Variants in ALPK2 observed in about 807,000 individuals in gnomAD.
ALPK2 encodes alpha kinase 2.
A neutral mutation model predicts 163.1 loss-of-function variants in ALPK2; 127 were observed. The observed-to-expected ratio is 0.78, with a 90% confidence interval of 0.67 to 0.90. ALPK2 has a LOEUF of 0.90. Ranked by LOEUF, ALPK2 falls within the 40% of genes least tolerant of loss-of-function variation. The pLI is 0.00. For missense variants in ALPK2, 2,360 were observed against 2,589.6 expected (o/e 0.91, Z 1.92); for synonymous variants, 953 against 959.1 (o/e 0.99, Z 0.12).
At chr18:58,627,516 T>G (rs931194893) in intron 1 of ALPK2, among the ~76,000 whole-genome samples, 2 of 152,090 alleles carry the variant, frequency 1.3e-5, no homozygotes, top group Non-Finnish European at 2.9e-5. Context: ...GCCACCTACT[T>G]TGGGAGGCTG....
chr18:58,543,559 G>C (rs766341136), intron 4 of ALPK2, among the ~76,000 whole-genome samples: 1 of 152,178 alleles, frequency 6.6e-6, no homozygotes, highest in Non-Finnish European at 1.5e-5. Flanking sequence ...CCATGGCTGA[G>C]GCAGGATGAC....
Position 58,514,999 on chromosome 18 carries a change from A to C in ALPK2, c.6023T>G (p.Val2008Gly), listed in dbSNP as rs1223433068. ...GCAGGGTAAACACACTTACTCAGGT[A>C]CTTCTCCAAAGCCTTCCAGAGGCTG... ...EAQPLEGFGE[V>G]PEIIPIFLIH... Residue 2008 changes from valine to glycine, a missense_variant, in exon 10 of 13, where the codon GTA (valine) becomes GGA (glycine). Val to Gly is a moderately radical substitution (Grantham distance 109). Transcript: ENST00000361673. 6.2e-7 allele frequency: 1 copy of C among 1,611,852 alleles called. No individual in the cohort carries two copies. The highest frequency in any genetic ancestry group is 1.1e-5 in the South Asian group (1 of 90,866).
At chr18:58,606,600 T>A (rs901650966) in intron 3 of ALPK2, among the ~76,000 whole-genome samples, 2 of 152,130 alleles carry the variant, frequency 1.3e-5, no homozygotes, top group African/African-American at 4.8e-5. Context: ...TTTTTTTAAA[T>A]CTCAGACTCA....
chr18:58,549,966 C>T (rs150979420), intron 4 of ALPK2, among the ~76,000 whole-genome samples: 1 of 152,062 alleles, frequency 6.6e-6, no homozygotes, highest in Non-Finnish European at 1.5e-5. Flanking sequence ...CTACGTGCCC[C>T]TCTCACCCTG....
chr18:58,534,810 T>C (rs778858655), intron 5 of ALPK2, 24 bp downstream of exon 5: 2 of 1,578,740 alleles, frequency 1.3e-6, no homozygotes, highest in East Asian at 2.2e-5. Flanking sequence ...ACTTTAACAA[T>C]GATGGACAGC....
intron 9 of ALPK2, among the ~76,000 whole-genome samples, chr18:58,515,885 C>T (rs1426484609): frequency 6.6e-6 from 1 of 152,150 alleles, no homozygotes; most frequent in East Asian, 1.9e-4. Flanking sequence ...AAAGACCCAA[C>T]TTTCTTGACA....
At chr18:58,527,270 T>G (rs1397402466) in intron 6 of ALPK2, among the ~76,000 whole-genome samples, 3 of 152,344 alleles carry the variant, frequency 2.0e-5, no homozygotes, top group South Asian at 4.1e-4. Context: ...TGAGAGAAAT[T>G]AGCAAACATT....
At chr18:58,516,850 G>C in intron 9 of ALPK2, 58 bp downstream of exon 9, 3 of 1,563,486 alleles carry the variant, frequency 1.9e-6, no homozygotes, top group Non-Finnish European at 2.6e-6. Flanking sequence ...TTTTCATCTC[G>C]TCTTATCATG....
At chr18:58,543,277 CT>C in intron 4 of ALPK2, 1 of 842,778 alleles carries the variant, frequency 1.2e-6, no homozygotes, top group Non-Finnish European at 1.4e-6. Context: ...AAATACATTT[CT>C]TTTCTTTATA....
chr18:58,508,004 C>T (rs765833542), intron 10 of ALPK2, among the ~76,000 whole-genome samples: 66 of 152,082 alleles, frequency 4.3e-4, no homozygotes, highest in Admixed American at 2.6e-4. Context: ...TAGTGTAAAT[C>T]CTAAGACTAG....
rs10689097 is a variant in ALPK2, at chr18:58,564,123, C to CTTTTTTTTTTTTTTTTTTTTT, written c.1962+14690_1962+14691insAAAAAAAAAAAAAAAAAAAAA. On this transcript the variant is annotated intron_variant, in intron 4 of 12. Coordinates refer to ENST00000361673, the MANE Select transcript of ALPK2 (RefSeq NM_052947.4). ...GAATTGCGTATTTGATGTCTTTGTTCTTTTTTTTTTTTTTTTGAGATGGAG... is the reference window on the plus strand; with the variant it reads ...GAATTGCGTATTTGATGTCTTTGTTCTTTTTTTTTTTTTTTTTTTTTTTTTTTTTTTTTTTTTGAGATGGAG... Among the ~76,000 whole-genome samples the CTTTTTTTTTTTTTTTTTTTTT allele has an allele frequency of 3.0e-4, 31 of 102,430 alleles. 2 individuals are homozygous for CTTTTTTTTTTTTTTTTTTTTT. The highest frequency in any genetic ancestry group is 5.9e-4 in the East Asian group (2 of 3,400). 67.2% of individuals were successfully genotyped at this position (102,430 alleles called of 152,430 possible).
chr18:58,488,828 G>A (rs762046360), intron 12 of ALPK2, among the ~76,000 whole-genome samples: 13 of 151,986 alleles, frequency 8.6e-5, no homozygotes, highest in Non-Finnish European at 1.6e-4. Flanking sequence ...CTTAGGCTCC[G>A]GTAGAACGGA....
chr18:58,608,721 G>C (rs1482187202), intron 2 of ALPK2, among the ~76,000 whole-genome samples: 1 of 152,150 alleles, frequency 6.6e-6, no homozygotes, highest in South Asian at 2.1e-4. Flanking sequence ...GCCGAGGCAG[G>C]GGGGTGAATC....
chr18:58,528,836 T>G, intron 6 of ALPK2: 1 of 454,978 alleles, frequency 2.2e-6, no homozygotes, highest in Non-Finnish European at 4.0e-6. Flanking sequence ...ATTTAAAAAA[T>G]GTAGTGAAAG....
chr18:58,568,036 C>G (rs114871942), intron 4 of ALPK2, among the ~76,000 whole-genome samples: 445 of 152,344 alleles, frequency 2.9e-3, no homozygotes, highest in African/African-American at 9.9e-3. Flanking sequence ...GGCCTCCTGC[C>G]AGCCTGGGCC....
At chr18:58,552,981 G>A (rs748346535) in intron 4 of ALPK2, among the ~76,000 whole-genome samples, 2 of 152,180 alleles carry the variant, frequency 1.3e-5, no homozygotes, top group Non-Finnish European at 2.9e-5. Flanking sequence ...AGTGACTGTT[G>A]TCTTCATGGG....
intron 4 of ALPK2, among the ~76,000 whole-genome samples, chr18:58,542,970 G>A (rs2051697843): frequency 1.3e-5 from 2 of 152,174 alleles, no homozygotes; most frequent in South Asian, 4.1e-4. Flanking sequence ...CAATACTGAT[G>A]GGTGGGGCCT....
At chr18:58,593,115 A>G (rs2052022930) in intron 3 of ALPK2, among the ~76,000 whole-genome samples, 1 of 152,200 alleles carries the variant, frequency 6.6e-6, no homozygotes, top group Non-Finnish European at 1.5e-5. Flanking sequence ...GTGAACCCTC[A>G]TGTAAACTAT....
chr18:58,552,358 G>A (rs8083368), intron 4 of ALPK2, among the ~76,000 whole-genome samples: 38,204 of 151,962 alleles, frequency 0.25, 4,850 homozygotes, highest in East Asian at 0.3. Flanking sequence ...TTTCTTCTGC[G>A]CATTCCAAGA....
Sources: allele counts gnomAD v4.1 joint callset (sites outside exome capture counted in the v4.1 genomes callset), GRCh38; gene constraint gnomAD v4.1.1; transcripts MANE v1.5; gene names NCBI Gene and HGNC (gene_info 2026-07-23, HGNC 2026-07-21).